The following PRKCA variants were observed in gnomAD, a reference collection of about 807,000 sequenced individuals.
The protein encoded by PRKCA is protein kinase C alpha.
PRKCA carries 27 observed loss-of-function variants against 87.0 expected under a neutral mutation model. That is an observed-to-expected ratio of 0.31 (90% confidence interval 0.23 to 0.43). The LOEUF is 0.43. Ranked by LOEUF, PRKCA falls within the 20% of genes least tolerant of loss-of-function variation. The probability of loss-of-function intolerance (pLI) is 1.00; values close to 1 mark genes in which losing one functional copy is unlikely to be tolerated. For synonymous variants in PRKCA, 329 were observed against 311.1 expected, an observed-to-expected ratio of 1.06 and a Z score of -0.61; for missense variants, 518 against 852.3, an observed-to-expected ratio of 0.61 and a Z score of 4.88.
Position 66,710,108 on chromosome 17 carries a change from G to A in PRKCA, c.918+21061G>A, listed in dbSNP as rs186819059. On this transcript the variant is annotated intron_variant, in intron 8 of 16. Transcript: ENST00000413366. ...ACATGGAAATGCCACAAGGAGGAGA[G>A]AAGGGTCCTGTCCTCATAAAGCTTG... Among the ~76,000 whole-genome samples, 10 of 152,290 alleles carry A rather than the reference G, an allele frequency of 6.6e-5. No homozygotes were observed. In the East Asian group the frequency reaches 7.7e-4, roughly 12 times the overall value.
chr17:66,625,766 G>C (rs1327063526), intron 3 of PRKCA, among the ~76,000 whole-genome samples: 1 of 152,196 alleles, frequency 6.6e-6, no homozygotes, highest in South Asian at 2.1e-4. Flanking sequence ...TCAGCGTCTA[G>C]CACAGGGTCA....
At chr17:66,768,189 C>A (rs1974851204) in intron 13 of PRKCA, among the ~76,000 whole-genome samples, 1 of 152,066 alleles carries the variant, frequency 6.6e-6, no homozygotes, top group Admixed American at 6.5e-5. Flanking sequence ...AGTGATCCGC[C>A]CGCCTGGGCC....
At chr17:66,356,308 CT>C (rs369468620) in intron 2 of PRKCA, among the ~76,000 whole-genome samples, 6,750 of 152,114 alleles carry the variant, frequency 0.044, 214 homozygotes, top group Admixed American at 0.077. Context: ...TTATCATCCA[CT>C]TTTTTAAAAG....
intron 2 of PRKCA, among the ~76,000 whole-genome samples, chr17:66,456,989 A>T (rs1914603085): frequency 6.6e-6 from 1 of 152,156 alleles, no homozygotes; most frequent in Non-Finnish European, 1.5e-5. Context: ...TGAATGTCTG[A>T]GTAGGGAGTG....
intron 2 of PRKCA, among the ~76,000 whole-genome samples, chr17:66,385,515 G>A (rs1414013937): frequency 6.6e-6 from 1 of 152,038 alleles, no homozygotes; most frequent in Non-Finnish European, 1.5e-5. Flanking sequence ...TCCTCTCTCT[G>A]TCTCTGGTTT....
intron 3 of PRKCA, among the ~76,000 whole-genome samples, chr17:66,593,292 G>A (rs762846079): frequency 5.9e-5 from 9 of 152,146 alleles, no homozygotes; most frequent in Non-Finnish European, 1.2e-4. Flanking sequence ...GACCTGAGCT[G>A]CTTCCATCCT....
chr17:66,383,551 A>G (rs1279136665), intron 2 of PRKCA, among the ~76,000 whole-genome samples: 1 of 152,198 alleles, frequency 6.6e-6, no homozygotes, highest in Non-Finnish European at 1.5e-5. Flanking sequence ...AGGCTCTGAG[A>G]GTTATTCTAG....
intron 14 of PRKCA, among the ~76,000 whole-genome samples, chr17:66,783,675 A>T (rs1215697886): frequency 6.6e-6 from 1 of 152,126 alleles, no homozygotes; most frequent in Non-Finnish European, 1.5e-5. Context: ...AGCTGCATTG[A>T]CCTAATCGTC....
chr17:66,763,480 C>T lies in PRKCA; in HGVS notation c.1525-10507C>T, dbSNP rs564902858. On this transcript the variant is annotated intron_variant, in intron 13 of 16. Transcript: ENST00000413366. ...CTTTCCAAATGGTGCTGTTTGGACG[C>T]GTCAGACAGTGCTTTGACCATGTTA... Among the ~76,000 whole-genome samples, 12 of 152,298 alleles carry T rather than the reference C, an allele frequency of 7.9e-5. 1 individual carries two copies. In the South Asian group the frequency reaches 1.7e-3, roughly 21 times the overall value.
intron 14 of PRKCA, among the ~76,000 whole-genome samples, chr17:66,784,337 C>T (rs1357654320): frequency 6.6e-6 from 1 of 152,228 alleles, no homozygotes; most frequent in Non-Finnish European, 1.5e-5. Context: ...CTTCCGCCTC[C>T]TGGGTTCAAG....
At chr17:66,378,435 C>T (rs1011592985) in intron 2 of PRKCA, among the ~76,000 whole-genome samples, 12 of 152,000 alleles carry the variant, frequency 7.9e-5, no homozygotes, top group Admixed American at 6.6e-4. Flanking sequence ...TTAGTATTCA[C>T]GGAATTGAAT....
chr17:66,433,401 A>T (rs1375027565), intron 2 of PRKCA, among the ~76,000 whole-genome samples: 1 of 152,156 alleles, frequency 6.6e-6, no homozygotes, highest in Non-Finnish European at 1.5e-5. Context: ...GCTATTGCAG[A>T]TCCCTCCCAC....
At chr17:66,583,594 C>CAAAA (rs58515241) in intron 3 of PRKCA, among the ~76,000 whole-genome samples, 2,202 of 133,612 alleles carry the variant, frequency 0.016, 46 homozygotes, top group African/African-American at 0.052. Context: ...TTAAATGAAC[C>CAAAA]AAAAAAAAAA....
chr17:66,580,679 G>A (rs1012606618), intron 3 of PRKCA, among the ~76,000 whole-genome samples: 2 of 152,184 alleles, frequency 1.3e-5, no homozygotes, highest in African/African-American at 2.4e-5. Context: ...TCAGTGTGCG[G>A]TAAAGTGGGT....
At position 66,742,861 on chromosome 17, in the gene PRKCA, A is replaced by G. The variant is rs1974186843; in HGVS notation, c.1524+101A>G. The G allele has an allele frequency of 5.2e-6, 7 of 1,345,182 alleles. No homozygotes were observed. The Admixed American group carries it at 6.6e-5, about 13-fold the overall frequency. 83.3% of individuals were successfully genotyped at this position (1,345,182 alleles called of 1,614,324 possible). A position where few individuals can be genotyped will look rare whatever the true frequency, so the allele number is the denominator to read the frequency against. ...CACTGGCGAATCATGAAGTCAGTGC[A>G]TGGTCACAGCCACTAAATGGACTAA... On this transcript the variant is annotated intron_variant, in intron 13 of 16. Transcript: ENST00000413366.
intron 8 of PRKCA, among the ~76,000 whole-genome samples, chr17:66,720,647 C>T (rs1462892568): frequency 6.6e-6 from 1 of 152,096 alleles, no homozygotes. Context: ...TTAACCATGC[C>T]CTGTTACATG....
At chr17:66,454,443 G>A (rs895630136) in intron 2 of PRKCA, among the ~76,000 whole-genome samples, 3 of 152,174 alleles carry the variant, frequency 2.0e-5, no homozygotes, top group East Asian at 1.9e-4. Context: ...AGATTTGGGT[G>A]TTTAGGGTTG....
chr17:66,413,831 T>C (rs952766822), intron 2 of PRKCA, among the ~76,000 whole-genome samples: 2 of 152,048 alleles, frequency 1.3e-5, no homozygotes, highest in African/African-American at 4.8e-5. Flanking sequence ...CTTGCCAACA[T>C]GGCAATACCC....
At chr17:66,461,390 T>A (rs778180784) in intron 2 of PRKCA, among the ~76,000 whole-genome samples, 1 of 152,168 alleles carries the variant, frequency 6.6e-6, no homozygotes, top group African/African-American at 2.4e-5. Flanking sequence ...ATTGGCACAT[T>A]TAAGCACAGG....
Sources: allele counts gnomAD v4.1 joint callset (sites outside exome capture counted in the v4.1 genomes callset), GRCh38; gene constraint gnomAD v4.1.1; transcripts MANE v1.5; gene names NCBI Gene and HGNC (gene_info 2026-07-23, HGNC 2026-07-21).